Variants in SGTB observed in about 807,000 individuals in gnomAD.
SGTB encodes small glutamine-rich tetratricopeptide repeat-containing protein beta.
A neutral mutation model predicts 43.9 loss-of-function variants in SGTB; 19 were observed. The observed-to-expected ratio is 0.43, with a 90% CI of 0.30 to 0.63. The LOEUF (loss-of-function observed/expected upper bound fraction) is 0.63. Among genes scored for constraint, SGTB ranks in the 30% least tolerant of loss-of-function variants. The pLI is 0.12. For missense variants in SGTB, 304 were observed against 358.9 expected (o/e 0.85, Z 1.24); for synonymous variants, 116 against 117.3 (o/e 0.99, Z 0.07).
intron 8 of SGTB, among the ~76,000 whole-genome samples, chr5:65,676,497 A>G (rs1377138532): frequency 6.6e-6 from 1 of 152,224 alleles, no homozygotes; most frequent in Admixed American, 6.5e-5. Flanking sequence ...GGAGACTTTA[A>G]CACTCTGCTG....
chr5:65,670,414 G>T, intron 10 of SGTB, 57 bp from the exon 11 acceptor site: 1 of 1,437,378 alleles, frequency 7.0e-7, no homozygotes, highest in Non-Finnish European at 9.7e-7. Context: ...ATTTACCCAC[G>T]CAAAAAGAAA....
intron 6 of SGTB, among the ~76,000 whole-genome samples, chr5:65,681,472 A>G (rs154629): frequency 0.58 from 87,971 of 151,880 alleles, 26,043 homozygotes; most frequent in Non-Finnish European, 0.64. Flanking sequence ...ACATAGTATT[A>G]GGGGTTTCTG....
At chr5:65,689,031 C>T (rs762133237) in intron 5 of SGTB, among the ~76,000 whole-genome samples, 2 of 151,956 alleles carry the variant, frequency 1.3e-5, no homozygotes, top group Admixed American at 6.6e-5. Context: ...AGGATGGTCT[C>T]GATCTCCTGA....
intron 6 of SGTB, among the ~76,000 whole-genome samples, chr5:65,683,308 G>A (rs927887365): frequency 6.6e-6 from 1 of 152,170 alleles, no homozygotes; most frequent in East Asian, 1.9e-4. Context: ...AGTTGAGATC[G>A]AGAGCATCAG....
intron 5 of SGTB, among the ~76,000 whole-genome samples, chr5:65,688,354 A>T (rs1757537830): frequency 6.6e-6 from 1 of 152,180 alleles, no homozygotes; most frequent in Admixed American, 6.5e-5. Flanking sequence ...TGATTCTGGA[A>T]ATCTGATAAC....
upstream of SGTB, chr5:65,722,608 C>T (rs1393991877): frequency 1.3e-5 from 7 of 538,518 alleles, no homozygotes; most frequent in East Asian, 3.5e-5. Flanking sequence ...TTCCCGCCTC[C>T]GCTCCCTCGG....
At position 65,670,097 on chromosome 5, in the gene SGTB, A is replaced by G; in HGVS notation, c.*149T>C. ...ATTGTCTAAACAGATTTATTCTTTA[A>G]GAATATACACAAGAGGTTTTCCTCC... On this transcript the variant is annotated 3_prime_UTR_variant, in exon 11 of 11. Transcript: ENST00000381007. 1.7e-6 allele frequency: 1 copy of G among 600,844 alleles called. No homozygotes were observed. The highest frequency in any genetic ancestry group is 2.3e-5 in the South Asian group (1 of 42,962). The allele number at this position is 600,844 out of a possible 1,614,324, so 37.2% of individuals were successfully genotyped here. A position where few individuals can be genotyped will look rare whatever the true frequency, so the allele number is the denominator to read the frequency against.
intron 2 of SGTB, among the ~76,000 whole-genome samples, chr5:65,715,311 G>A (rs1356019791): frequency 2.6e-5 from 4 of 152,054 alleles, no homozygotes; most frequent in African/African-American, 4.8e-5. Flanking sequence ...CTGTAACACC[G>A]AACAAAAATA....
rs1757067622 is a variant in SGTB at position 65,667,726 on chromosome 5, C to T, written c.*2520G>A. 6.6e-6 allele frequency: 1 copy of T among 152,140 alleles called. No homozygotes were observed. Among genetic ancestry groups the T allele is most frequent in the Admixed American group, 6.5e-5 (1 of 15,272 alleles). The allele number at this position is 152,140 out of a possible 1,614,324, so 9.4% of individuals were successfully genotyped here. A position where few individuals can be genotyped will look rare whatever the true frequency, so the allele number is the denominator to read the frequency against. ...TAAATTAGAGTCCTTGGATCTGTAT[C>T]AAAACCACCTAGTGTACTGTTTAAA... On this transcript the variant is annotated 3_prime_UTR_variant, in exon 11 of 11. Transcript: ENST00000381007.
intron 8 of SGTB, among the ~76,000 whole-genome samples, chr5:65,676,804 G>A (rs975807531): frequency 6.6e-6 from 1 of 152,028 alleles, no homozygotes; most frequent in African/African-American, 2.4e-5. Flanking sequence ...CAGAATCTCA[G>A]ACACAGCTAA....
chr5:65,719,277 T>G (rs538910651), intron 2 of SGTB, among the ~76,000 whole-genome samples: 5 of 152,284 alleles, frequency 3.3e-5, no homozygotes, highest in African/African-American at 1.2e-4. Flanking sequence ...TTCTTCCAAA[T>G]GCACTCTCAC....
chr5:65,700,891 T>A (rs1206777644), intron 5 of SGTB, among the ~76,000 whole-genome samples: 1 of 148,592 alleles, frequency 6.7e-6, no homozygotes, highest in Admixed American at 6.8e-5. Context: ...ATGCCTGTAG[T>A]CCCAGCTACC....
At chr5:65,677,226 TAGA>T (rs1757299512) in intron 8 of SGTB, among the ~76,000 whole-genome samples, 1 of 151,722 alleles carries the variant, frequency 6.6e-6, no homozygotes, top group Admixed American at 6.6e-5. Flanking sequence ...AATGAATTTC[TAGA>T]AGAACTTGAT....
intron 8 of SGTB, among the ~76,000 whole-genome samples, chr5:65,679,087 A>T (rs1035367310): frequency 1.3e-5 from 2 of 152,218 alleles, no homozygotes; most frequent in African/African-American, 2.4e-5. Context: ...CATTTTTGCA[A>T]TCTATCTATC....
chr5:65,707,739 T>C (rs1006808201), intron 4 of SGTB, among the ~76,000 whole-genome samples: 1 of 152,084 alleles, frequency 6.6e-6, no homozygotes, highest in Non-Finnish European at 1.5e-5. Flanking sequence ...GGCCATGATA[T>C]ATATTTTTTT....
chr5:65,693,556 T>A (rs1473000200), intron 5 of SGTB, among the ~76,000 whole-genome samples: 1 of 151,594 alleles, frequency 6.6e-6, no homozygotes, highest in Non-Finnish European at 1.5e-5. Flanking sequence ...TAGGTTTAAT[T>A]TTTTTTTTAA....
intron 2 of SGTB, among the ~76,000 whole-genome samples, chr5:65,714,190 A>G (rs924194828): frequency 6.6e-6 from 1 of 152,234 alleles, no homozygotes; most frequent in African/African-American, 2.4e-5. Flanking sequence ...GCACATAGGA[A>G]GAAGCACTAA....
chr5:65,718,836 G>A (rs1758198887), intron 2 of SGTB, among the ~76,000 whole-genome samples: 1 of 147,474 alleles, frequency 6.8e-6, no homozygotes, highest in Non-Finnish European at 1.5e-5. Flanking sequence ...CCTAAAAATA[G>A]GACATAACAT....
intron 5 of SGTB, among the ~76,000 whole-genome samples, chr5:65,694,290 G>C (rs1363685870): frequency 1.3e-5 from 2 of 152,072 alleles, no homozygotes; most frequent in Admixed American, 1.3e-4. Context: ...AAATTAGCTG[G>C]GCATAGTGGC....
Sources: allele counts gnomAD v4.1 joint callset (sites outside exome capture counted in the v4.1 genomes callset), GRCh38; gene constraint gnomAD v4.1.1; transcripts MANE v1.5; gene names NCBI Gene and HGNC (gene_info 2026-07-23, HGNC 2026-07-21).